The following RAVER2 variants were observed in gnomAD, a reference collection of about 807,000 sequenced individuals.
The protein encoded by RAVER2 is ribonucleoprotein, PTB binding 2.
RAVER2 carries 46 observed loss-of-function variants against 78.1 expected under a neutral mutation model. The observed-to-expected ratio is 0.59, with a 90% CI of 0.46 to 0.75. The LOEUF (loss-of-function observed/expected upper bound fraction) is 0.75. Among genes scored for constraint, RAVER2 ranks in the 30% least tolerant of loss-of-function variants. The pLI is 0.00. For missense variants in RAVER2, 793 were observed against 837.5 expected (o/e 0.95, Z 0.66); for synonymous variants, 311 against 313.3 (o/e 0.99, Z 0.08).
chr1:64,825,747 A>G (rs1020977609), intron 11 of RAVER2, among the ~76,000 whole-genome samples: 1 of 152,250 alleles, frequency 6.6e-6, no homozygotes, highest in Non-Finnish European at 1.5e-5. Context: ...ATATTGTGAC[A>G]TTCTGTTTCT....
At chr1:64,791,657 T>A (rs1652944733) in intron 5 of RAVER2, among the ~76,000 whole-genome samples, 1 of 152,302 alleles carries the variant, frequency 6.6e-6, no homozygotes, top group African/African-American at 2.4e-5. Context: ...AGATATCTCT[T>A]TTACAATTTT....
At chr1:64,802,916 G>T in intron 5 of RAVER2, 60 bp from the exon 6 acceptor site, 4 of 1,222,890 alleles carry the variant, frequency 3.3e-6, no homozygotes, top group East Asian at 2.6e-5. Context: ...TCGAAGCTTG[G>T]TTTTTAAAAA....
chr1:64,763,038 A>G (rs1471977625), intron 1 of RAVER2, among the ~76,000 whole-genome samples: 3 of 152,220 alleles, frequency 2.0e-5, no homozygotes, highest in East Asian at 3.8e-4. Context: ...GACTGGGCAC[A>G]GTGGGTCACG....
chr1:64,759,515 G>A (rs1171384852), intron 1 of RAVER2, among the ~76,000 whole-genome samples: 4 of 147,646 alleles, frequency 2.7e-5, no homozygotes, highest in African/African-American at 7.5e-5. Context: ...CACCGCGCCC[G>A]GCCTATTTAT....
At chr1:64,801,491 C>CT (rs1180120496) in intron 5 of RAVER2, among the ~76,000 whole-genome samples, 1 of 148,612 alleles carries the variant, frequency 6.7e-6, no homozygotes, top group Non-Finnish European at 1.5e-5. Flanking sequence ...CTTTGTGTCT[C>CT]TATATTATCT....
intron 2 of RAVER2, among the ~76,000 whole-genome samples, chr1:64,769,299 T>C (rs769256335): frequency 1.3e-5 from 2 of 151,898 alleles, no homozygotes; most frequent in Non-Finnish European, 2.9e-5. Context: ...GTAGATCTGT[T>C]GAATTTCTTC....
intron 3 of RAVER2, 61 bp downstream of exon 3, chr1:64,778,153 C>A: frequency 2.6e-6 from 3 of 1,169,556 alleles, no homozygotes; most frequent in Non-Finnish European, 3.6e-6. Context: ...ATCTAATCTA[C>A]ATACACTCAC....
intron 1 of RAVER2, among the ~76,000 whole-genome samples, chr1:64,754,291 T>A (rs1258925595): frequency 1.3e-5 from 2 of 152,158 alleles, no homozygotes; most frequent in Non-Finnish European, 2.9e-5. Context: ...TATCTCCCAT[T>A]GTATTATAAT....
intron 9 of RAVER2, among the ~76,000 whole-genome samples, chr1:64,812,343 T>C (rs941141593): frequency 2.0e-4 from 22 of 112,204 alleles, no homozygotes; most frequent in African/African-American, 7.9e-4. Context: ...GCCTGGGCAA[T>C]AGAGTGAGAT....
chr1:64,768,663 A>G, exon 2 of RAVER2: 3 of 1,557,312 alleles, frequency 1.9e-6, no homozygotes, highest in Non-Finnish European at 2.7e-6. Context: ...CAGGAAGTTC[A>G]TGATTTGTTA....
rs766393685 is a variant in RAVER2, at chr1:64,777,751, G to C, written c.445G>C (p.Val149Leu). ...AGATGCTTTGTTGTGTATTACCAAC[G>C]TGCCCATTTCTTTTACATCAGAAGA... Residue 149 changes from valine (V) to leucine (L), a missense_variant, in exon 3 of 12, where the codon GTG becomes CTG. Physicochemically the swap from Val to Leu is conservative, Grantham distance 32 (BLOSUM62 1). Coordinates refer to ENST00000294428, the Ensembl canonical transcript of RAVER2. The C allele has an allele frequency of 1.2e-6, 2 of 1,613,966 alleles. No individual in the cohort carries two copies. Among genetic ancestry groups the C allele is most frequent in the Non-Finnish European group, 1.7e-6 (2 of 1,179,914 alleles).
chr1:64,829,929 A>G (rs562406348), intron 11 of RAVER2, among the ~76,000 whole-genome samples: 1 of 152,098 alleles, frequency 6.6e-6, no homozygotes, highest in Non-Finnish European at 1.5e-5. Context: ...CTACTTTAGC[A>G]AGGAGTTGAG....
intron 8 of RAVER2, among the ~76,000 whole-genome samples, chr1:64,805,518 A>G (rs1052847860): frequency 5.9e-5 from 9 of 152,206 alleles, no homozygotes; most frequent in Non-Finnish European, 8.8e-5. Context: ...TGTATTATTT[A>G]AAAAAATTTA....
At chr1:64,806,294 C>A (rs1653416972) in intron 8 of RAVER2, among the ~76,000 whole-genome samples, 5 of 152,074 alleles carry the variant, frequency 3.3e-5, no homozygotes, top group Admixed American at 1.3e-4. Context: ...GCCTGTGGTC[C>A]CAGCTACTCA....
At chr1:64,749,295 C>T (rs1651629792) in intron 1 of RAVER2, among the ~76,000 whole-genome samples, 1 of 152,184 alleles carries the variant, frequency 6.6e-6, no homozygotes, top group African/African-American at 2.4e-5. Flanking sequence ...ACTGCAACCT[C>T]CACCTCCTGG....
At chr1:64,825,390 A>T (rs932888669) in intron 11 of RAVER2, among the ~76,000 whole-genome samples, 3 of 152,190 alleles carry the variant, frequency 2.0e-5, no homozygotes, top group Admixed American at 2.0e-4. Flanking sequence ...GACTTAGAAA[A>T]GGTGAAGTGG....
chr1:64,787,837 C>T (rs1175597967), intron 4 of RAVER2, among the ~76,000 whole-genome samples: 1 of 152,188 alleles, frequency 6.6e-6, no homozygotes, highest in African/African-American at 2.4e-5. Flanking sequence ...CATGCACTCT[C>T]ATGCTCTCTG....
At chr1:64,755,996 C>G (rs1448300668) in intron 1 of RAVER2, among the ~76,000 whole-genome samples, 2 of 152,126 alleles carry the variant, frequency 1.3e-5, no homozygotes, top group East Asian at 1.9e-4. Context: ...CAAAGTCACA[C>G]TACTGCCTCC....
chr1:64,758,007 C>T (rs1417184573), intron 1 of RAVER2, among the ~76,000 whole-genome samples: 1 of 152,132 alleles, frequency 6.6e-6, no homozygotes, highest in Non-Finnish European at 1.5e-5. Flanking sequence ...CACAGATACC[C>T]ACTTCACCCA....
Sources: gnomAD v4.1 joint callset for allele counts (sites outside exome capture counted in the v4.1 genomes callset) on GRCh38, gnomAD v4.1.1 for gene constraint, MANE v1.5 for transcripts, NCBI Gene and HGNC (gene_info 2026-07-23, HGNC 2026-07-21) for gene names.